Variants in CCDC171 observed in about 807,000 individuals in gnomAD.
CCDC171 encodes the protein coiled-coil domain containing 171.
CCDC171 carries 177 observed loss-of-function variants against 168.2 expected under a neutral mutation model. That is an observed-to-expected ratio of 1.05 (90% CI 0.93 to 1.19). CCDC171 has a LOEUF of 1.19. Ranked by LOEUF, CCDC171 falls within the 50% of genes most tolerant of loss-of-function variation. The probability of loss-of-function intolerance (pLI) is 0.00; values close to 1 mark genes in which losing one functional copy is unlikely to be tolerated. For missense variants in CCDC171, 1,991 were observed against 1,539.0 expected, an observed-to-expected ratio of 1.29 and a Z score of -4.91; for synonymous variants, 687 against 540.8, an observed-to-expected ratio of 1.27 and a Z score of -3.75.
At chr9:15,881,495 C>G (rs1004395906) in intron 24 of CCDC171, among the ~76,000 whole-genome samples, 1 of 152,094 alleles carries the variant, frequency 6.6e-6, no homozygotes, top group Non-Finnish European at 1.5e-5. Context: ...CATTCAAATT[C>G]TTCTAGCTAT....
chr9:15,699,668 A>T (rs1282732540), intron 11 of CCDC171, among the ~76,000 whole-genome samples: 2 of 152,120 alleles, frequency 1.3e-5, no homozygotes, highest in Non-Finnish European at 2.9e-5. Flanking sequence ...CGATTGGTGA[A>T]TTCACAAACA....
chr9:15,932,792 G>T (rs1826681598), intron 25 of CCDC171, among the ~76,000 whole-genome samples: 1 of 151,816 alleles, frequency 6.6e-6, no homozygotes, highest in African/African-American at 2.4e-5. Context: ...TTCCTCACTT[G>T]TTGAGAGCTT....
chr9:15,767,025 A>T (rs907385440), intron 18 of CCDC171, among the ~76,000 whole-genome samples: 1 of 152,208 alleles, frequency 6.6e-6, no homozygotes, highest in Admixed American at 6.5e-5. Flanking sequence ...AATTTACAGC[A>T]TACCAGGAAT....
At chr9:15,910,448 A>G (rs1442293785) in intron 24 of CCDC171, among the ~76,000 whole-genome samples, 1 of 152,102 alleles carries the variant, frequency 6.6e-6, no homozygotes, top group Non-Finnish European at 1.5e-5. Context: ...TGCTAGTACC[A>G]TGCTATTTTG....
chr9:15,985,606 A>G (rs945104657), intron 3 of CCDC171, among the ~76,000 whole-genome samples: 4 of 152,236 alleles, frequency 2.6e-5, no homozygotes, highest in Non-Finnish European at 5.9e-5. Flanking sequence ...CAGCAATGGA[A>G]TGGCAGATTC....
intron 10 of CCDC171, among the ~76,000 whole-genome samples, chr9:15,686,777 T>C (rs2050424749): frequency 6.6e-6 from 1 of 152,116 alleles, no homozygotes; most frequent in Admixed American, 6.5e-5. Context: ...AAACCTGACA[T>C]AATTGAAGGG....
chr9:15,637,129 G>A (rs1259350085), intron 7 of CCDC171, among the ~76,000 whole-genome samples: 5 of 151,998 alleles, frequency 3.3e-5, no homozygotes, highest in South Asian at 2.1e-4. Flanking sequence ...GGTGGCGCTC[G>A]CCTGTAATCC....
chr9:15,839,409 A>G (rs1308232110), intron 21 of CCDC171, among the ~76,000 whole-genome samples: 1 of 152,126 alleles, frequency 6.6e-6, no homozygotes, highest in Non-Finnish European at 1.5e-5. Context: ...TGTAGTACAG[A>G]GTTTAGAGGA....
chr9:16,087,577 T>A, the CCDC171 span, among the ~76,000 whole-genome samples: 1 of 144,098 alleles, frequency 6.9e-6, no homozygotes, highest in Non-Finnish European at 1.5e-5. Context: ...TTTTTTTTTT[T>A]TTGCTTTCCA....
chr9:15,757,191 G>A (rs2056175622), intron 18 of CCDC171, among the ~76,000 whole-genome samples: 1 of 152,218 alleles, frequency 6.6e-6, no homozygotes, highest in Admixed American at 6.5e-5. Context: ...ACACGAAAAT[G>A]TGGGAAAATT....
chr9:15,913,253 T>A (rs546214178), intron 24 of CCDC171, among the ~76,000 whole-genome samples: 1 of 152,342 alleles, frequency 6.6e-6, no homozygotes, highest in East Asian at 1.9e-4. Context: ...TGGTTTAGTC[T>A]TGGGTGGGTA....
At chr9:16,057,550 A>C (rs1258769838) in intron 1 of CCDC171, among the ~76,000 whole-genome samples, 1 of 152,084 alleles carries the variant, frequency 6.6e-6, no homozygotes, top group East Asian at 1.9e-4. Flanking sequence ...GTGTCTATTC[A>C]AGGTTGCTCT....
chr9:15,592,494 G>T (rs982754692), intron 5 of CCDC171, among the ~76,000 whole-genome samples: 1 of 152,014 alleles, frequency 6.6e-6, no homozygotes, highest in Non-Finnish European at 1.5e-5. Context: ...AAAAGTTTTC[G>T]CACAGTCATT....
At chr9:15,913,469 C>CA (rs1158603369) in intron 24 of CCDC171, among the ~76,000 whole-genome samples, 1 of 152,010 alleles carries the variant, frequency 6.6e-6, no homozygotes, top group African/African-American at 2.4e-5. Flanking sequence ...TTAATCTTTA[C>CA]AAAAAAACAG....
intron 18 of CCDC171, among the ~76,000 whole-genome samples, chr9:15,756,562 A>T (rs140944072): frequency 6.8e-4 from 103 of 152,160 alleles, no homozygotes; most frequent in Non-Finnish European, 1.3e-3. Context: ...AGTAGTCCCC[A>T]GTGTCTGTTC....
Position 15,610,388 on chromosome 9 carries a change from C to T in CCDC171, c.676-12879C>T, listed in dbSNP as rs368256092. Among the ~76,000 whole-genome samples the T allele has an allele frequency of 3.0e-5, 4 of 134,046 alleles. No individual in the cohort carries two copies. In the East Asian group the frequency reaches 6.8e-4, roughly 23 times the overall value. 87.9% of individuals were successfully genotyped at this position (134,046 alleles called of 152,430 possible). A position where few individuals can be genotyped will look rare whatever the true frequency, so the allele number is the denominator to read the frequency against. On this transcript the variant is annotated intron_variant, in intron 6 of 25. Transcript: ENST00000380701. The stretch of plus-strand genomic sequence containing the variant: ...TTGGGAGGCCAAGGCGGGTGGATCA[C>T]CTGAGATCAGGAGTTCAAGACCAGC...
chr9:15,607,990 G>A (rs143196055), intron 6 of CCDC171, among the ~76,000 whole-genome samples: 5 of 152,280 alleles, frequency 3.3e-5, no homozygotes, highest in Non-Finnish European at 5.9e-5. Flanking sequence ...TCAAGGGACT[G>A]CATCTGACGA....
chr9:15,835,638 GC>G (rs1204052374), intron 21 of CCDC171, among the ~76,000 whole-genome samples: 1 of 152,116 alleles, frequency 6.6e-6, no homozygotes, highest in East Asian at 1.9e-4. Flanking sequence ...TGTTGGTCAG[GC>G]TGGTCTCGAA....
At chr9:16,080,732 G>C in the CCDC171 span, among the ~76,000 whole-genome samples, 5 of 152,118 alleles carry the variant, frequency 3.3e-5, no homozygotes, top group East Asian at 7.7e-4. Flanking sequence ...ATACATCTTT[G>C]TCTCTGCGCC....
Sources: allele counts gnomAD v4.1 joint callset (sites outside exome capture counted in the v4.1 genomes callset), GRCh38; gene constraint gnomAD v4.1.1; transcripts MANE v1.5; gene names NCBI Gene and HGNC (gene_info 2026-07-23, HGNC 2026-07-21).